The following FGF13 variants were observed in gnomAD, a reference collection of about 807,000 sequenced individuals.
FGF13 encodes the protein fibroblast growth factor homologous factor 2.
In FGF13, 2 loss-of-function variants were observed where a neutral mutation model predicts 19.5. That is an observed-to-expected ratio of 0.10 (90% CI 0.04 to 0.32). The LOEUF is 0.32. Ranked by LOEUF, FGF13 falls within the 10% of genes least tolerant of loss-of-function variation. The pLI is 1.00. For synonymous variants in FGF13, 72 were observed against 76.9 expected (o/e 0.94, Z 0.33); for missense variants, 113 against 192.7 (o/e 0.59, Z 2.45).
At chrX:138,929,866 G>C (rs397832305) in intron 1 of FGF13, among the ~76,000 whole-genome samples, 48,698 of 100,106 alleles carry the variant, frequency 0.49, 8,775 homozygotes, top group South Asian at 0.64. Context: ...GTGTGTGTGT[G>C]TGTGTGTGTG....
intron 2 of FGF13, among the ~76,000 whole-genome samples, chrX:138,704,728 T>C (rs1194329735): frequency 8.9e-6 from 1 of 112,507 alleles, no homozygotes; most frequent in East Asian, 2.8e-4. Context: ...CAAGTGTTCC[T>C]ACCACATGCC....
chrX:138,794,470 T>C (rs940718136), intron 3 of FGF13, among the ~76,000 whole-genome samples: 2 of 111,614 alleles, frequency 1.8e-5, no homozygotes, highest in Non-Finnish European at 3.8e-5. Flanking sequence ...TTCATTTACA[T>C]TGTGACATTT....
intron 1 of FGF13, among the ~76,000 whole-genome samples, chrX:138,724,868 A>G (rs1467986082): frequency 8.9e-6 from 1 of 112,023 alleles, no homozygotes; most frequent in South Asian, 3.7e-4. Context: ...TTAGTTGATA[A>G]TAATGTACCA....
At chrX:138,730,551 AG>A (rs987529588) in intron 1 of FGF13, among the ~76,000 whole-genome samples, 11 of 111,519 alleles carry the variant, frequency 9.9e-5, no homozygotes, top group African/African-American at 3.6e-4. Flanking sequence ...TGAAAGTAGC[AG>A]AGATAATTTA....
intron 1 of FGF13, among the ~76,000 whole-genome samples, chrX:139,030,440 G>T (rs1178433920): frequency 3.6e-5 from 4 of 111,250 alleles, no homozygotes; most frequent in Non-Finnish European, 5.7e-5. Flanking sequence ...TGTAATTTAG[G>T]CATCTGTTTC....
At chrX:138,644,154 CAACT>C (rs1343012005) in intron 3 of FGF13, among the ~76,000 whole-genome samples, 1 of 112,099 alleles carries the variant, frequency 8.9e-6, no homozygotes, top group Non-Finnish European at 1.9e-5. Context: ...GAGATCCAAC[CAACT>C]GTCATGCACA....
chrX:138,679,156 A>T (rs1192528391), intron 3 of FGF13, among the ~76,000 whole-genome samples: 1 of 112,053 alleles, frequency 8.9e-6, no homozygotes, highest in Non-Finnish European at 1.9e-5. Context: ...AGATCAATGC[A>T]GCCTCAATCT....
chrX:138,960,837 G>A lies in FGF13; in HGVS notation c.-112-96187C>T, dbSNP rs187096147. On this transcript the variant is annotated intron_variant, in intron 1 of 2. Transcript: ENST00000421460. ...CTTGTGCATGCATCAAATAGTTCTC[G>A]TGCCATAGTTTTCAACTCCATCAGG... Among the ~76,000 whole-genome samples the A allele has an allele frequency of 3.1e-3, 350 of 111,503 alleles. 7 individuals carry two copies. Among genetic ancestry groups the A allele is most frequent in the Admixed American group, 0.026 (278 of 10,505 alleles).
At chrX:138,970,270 A>G (rs1373350915) in intron 1 of FGF13, among the ~76,000 whole-genome samples, 8 of 111,540 alleles carry the variant, frequency 7.2e-5, no homozygotes, top group East Asian at 2.8e-4. Flanking sequence ...TTGGCACTCA[A>G]TAAGTATTTT....
chrX:138,811,004 A>T (rs948285663), intron 3 of FGF13, among the ~76,000 whole-genome samples: 21 of 112,290 alleles, frequency 1.9e-4, no homozygotes, highest in African/African-American at 6.5e-4. Context: ...GTGGGACTGT[A>T]AACTAGTTCA....
chrX:138,945,697 T>C (rs1348581360), intron 1 of FGF13, among the ~76,000 whole-genome samples: 1 of 110,383 alleles, frequency 9.1e-6, no homozygotes, highest in Non-Finnish European at 1.9e-5. Context: ...TTCAGTGGAT[T>C]AGAGACATAG....
chrX:139,137,400 A>G (rs1455891020), intron 1 of FGF13, among the ~76,000 whole-genome samples: 1 of 112,406 alleles, frequency 8.9e-6, no homozygotes, highest in Non-Finnish European at 1.9e-5. Flanking sequence ...GCATTCTTGC[A>G]GTACCTTATG....
chrX:138,634,867 T>C (rs973460361), intron 4 of FGF13, among the ~76,000 whole-genome samples: 5 of 112,010 alleles, frequency 4.5e-5, no homozygotes, highest in Non-Finnish European at 9.4e-5. Context: ...AAAAGTAGCA[T>C]TGGATCCAGC....
At chrX:139,131,057 TTCTTTTTTTTTGTACTTTTTCC>T (rs1283689323) in intron 1 of FGF13, among the ~76,000 whole-genome samples, 1 of 111,832 alleles carries the variant, frequency 8.9e-6, no homozygotes, top group East Asian at 2.8e-4. Context: ...GCCTATAATT[TTCTTTTTTTTTGTACTTTTTCC>T]CAATTTGAGG....
chrX:139,203,749 G>A (rs1398740032), upstream of FGF13, among the ~76,000 whole-genome samples: 1 of 111,885 alleles, frequency 8.9e-6, no homozygotes, highest in Non-Finnish European at 1.9e-5. Context: ...AGCAGACAGC[G>A]CGGTTCCCGG....
At chrX:138,992,377 T>A (rs2092020415) in intron 1 of FGF13, among the ~76,000 whole-genome samples, 1 of 111,635 alleles carries the variant, frequency 9.0e-6, no homozygotes, top group African/African-American at 3.2e-5. Context: ...TATTTTTGCA[T>A]ATGGAATTTC....
At chrX:139,127,235 T>C (rs1048265950) in intron 1 of FGF13, among the ~76,000 whole-genome samples, 1 of 111,125 alleles carries the variant, frequency 9.0e-6, no homozygotes, top group African/African-American at 3.3e-5. Context: ...GAGGCGATCA[T>C]AGGAGTGAAA....
chrX:138,959,707 A>C (rs191966968), intron 1 of FGF13, among the ~76,000 whole-genome samples: 5 of 111,474 alleles, frequency 4.5e-5, no homozygotes, highest in Middle Eastern at 4.6e-3. Context: ...GGGTGCTCCT[A>C]TATTGGGTGC....
intron 1 of FGF13, among the ~76,000 whole-genome samples, chrX:138,885,873 A>G (rs942020249): frequency 3.6e-5 from 4 of 110,574 alleles, no homozygotes; most frequent in Non-Finnish European, 7.6e-5. Context: ...CTTAATTTTA[A>G]TTTCTTCTAC....
Sources: allele counts gnomAD v4.1 joint callset (sites outside exome capture counted in the v4.1 genomes callset), GRCh38; gene constraint gnomAD v4.1.1; transcripts MANE v1.5; gene names NCBI Gene and HGNC (gene_info 2026-07-23, HGNC 2026-07-21).